TPRA1: variants seen among roughly 807,000 people sequenced by gnomAD.
The protein encoded by TPRA1 is transmembrane protein adipocyte associated 1, also known as transmembrane protein adipocyte-associated 1.
Under a neutral mutation model 40.1 loss-of-function variants are expected in TPRA1, and 28 were observed. The ratio of observed to expected loss-of-function variants is 0.70; its 90% CI spans 0.52 to 0.96. TPRA1 has a LOEUF of 0.96. Ranked by LOEUF, TPRA1 falls within the 40% of genes least tolerant of loss-of-function variation. TPRA1 has a pLI of 0.00. For synonymous variants in TPRA1, 219 were observed against 209.7 expected (o/e 1.04, Z -0.38); for missense variants, 441 against 482.6 (o/e 0.91, Z 0.81).
intron 1 of TPRA1, among the ~76,000 whole-genome samples, chr3:127,584,552 T>TAGAGAC (rs1047445041): frequency 2.8e-5 from 4 of 143,354 alleles, no homozygotes; most frequent in Non-Finnish European, 6.0e-5. Flanking sequence ...AGAAACACAG[T>TAGAGAC]AGAGACTGCT....
In TPRA1 at chr3:127,580,071, C is replaced by G. The variant is rs752718568; in HGVS notation, c.76G>C (p.Val26Leu). The G allele has an allele frequency of 1.2e-6, 2 of 1,613,962 alleles. No homozygotes were observed. Among genetic ancestry groups the G allele is most frequent in the Non-Finnish European group, 1.7e-6 (2 of 1,180,032 alleles). ...LPPPLAPNIS[V>L]PHRCLLLLYE... The stretch of plus-strand genomic sequence containing the variant: ...AGCAGCAGCAGGCAGCGATGAGGCA[C>G]ACTGATGTTTGGTGCCAGGGGTGGG... The change falls in exon 2 of 11, where the codon GTG becomes CTG. Residue 26 changes from valine to leucine, a missense_variant. Transcript: ENST00000355552.
Position 127,575,731 on chromosome 3 carries a change from C to A in TPRA1, c.670+18G>T. The A allele has an allele frequency of 6.2e-7, 1 of 1,612,958 alleles. No homozygotes were observed. Reference sequence around the variant, plus strand: ...CTCCCATCCCCGCCTGTCCCAGAGCCGCCGGCCAGCTGCTCACAAGGCAGG... The same window carrying A: ...CTCCCATCCCCGCCTGTCCCAGAGCAGCCGGCCAGCTGCTCACAAGGCAGG... On this transcript the variant is annotated intron_variant, in intron 8 of 10. Transcript: ENST00000355552.
chr3:127,573,651 G>C lies in TPRA1; in HGVS notation c.992C>G (p.Ala331Gly). Reference sequence around the variant, plus strand: ...GTCGAACTGCGTGCTCGAGTAGCTGGCAGCTGAGGCCCCAGCAGCCCCTGC... The same window carrying C: ...GTCGAACTGCGTGCTCGAGTAGCTGCCAGCTGAGGCCCCAGCAGCCCCTGC... The part of the protein sequence containing the change: ...EAAGAAGASA[A>G]SYSSTQFDSA... Residue 331 changes from alanine (A) to glycine (G), a missense_variant, in exon 11 of 11, where the codon GCC (alanine) becomes GGC (glycine). By Grantham distance (60) the Ala-to-Gly change is moderately conservative. Coordinates refer to ENST00000355552, the MANE Select transcript of TPRA1 (RefSeq NM_001136053.4). 1 of 1,613,442 alleles carries C rather than the reference G, an allele frequency of 6.2e-7. No homozygotes were observed. The highest frequency in any genetic ancestry group is 8.5e-7 in the Non-Finnish European group (1 of 1,179,994).
upstream of TPRA1, among the ~76,000 whole-genome samples, chr3:127,592,524 T>G (rs371415994): frequency 6.6e-6 from 1 of 151,438 alleles, no homozygotes; most frequent in Non-Finnish European, 1.5e-5. Context: ...TAGCTGGGAC[T>G]ACAGGCGCCC....
chr3:127,575,934 C>G lies in TPRA1; in HGVS notation c.609+6G>C. The G allele has an allele frequency of 1.2e-6, 2 of 1,613,932 alleles. No individual in the cohort carries two copies. The highest frequency in any genetic ancestry group is 1.7e-6 in the Non-Finnish European group (2 of 1,179,948). ...GCCACCCCAGCTGCCCCAGCCTGAA[C>G]CTCACCAGGAAGAAGAAGCAGGAGC... On this transcript the variant is annotated splice_donor_region_variant and intron_variant, in intron 7 of 10. Coordinates refer to ENST00000355552, the MANE Select transcript of TPRA1 (RefSeq NM_001136053.4).
Position 127,579,746 on chromosome 3 carries a change from G to A in TPRA1, c.252C>T (p.Tyr84=), listed in dbSNP as rs781728674. 8 of 1,614,032 alleles carry A rather than the reference G, an allele frequency of 5.0e-6. No individual in the cohort carries two copies. In the Admixed American group the frequency reaches 1.0e-4, roughly 20 times the overall value. ...ITSSPIFITF[Y]ILVFVVALVG... ...TCAACTGCAGTGAACTCACCAGGATGTAGAAGGTGATAAAAATGGGGCTGG... is the reference window on the plus strand; with the variant it reads ...TCAACTGCAGTGAACTCACCAGGATATAGAAGGTGATAAAAATGGGGCTGG... Residue 84 remains tyrosine (Y), a synonymous_variant, in exon 3 of 11, where the codon TAC becomes TAT. Transcript: ENST00000355552.
intron 1 of TPRA1, among the ~76,000 whole-genome samples, chr3:127,580,712 A>G (rs1409467192): frequency 2.0e-5 from 3 of 152,264 alleles, no homozygotes; most frequent in African/African-American, 4.8e-5. Flanking sequence ...GTGAGGCCAC[A>G]GCGCTGCTGA....
chr3:127,586,637 G>A (rs2074010384), intron 1 of TPRA1, among the ~76,000 whole-genome samples: 1 of 152,182 alleles, frequency 6.6e-6, no homozygotes. Flanking sequence ...GAGATTACAG[G>A]TGTGGGCCAC....
chr3:127,586,059 T>TG (rs1464570840), intron 1 of TPRA1, among the ~76,000 whole-genome samples: 2 of 152,064 alleles, frequency 1.3e-5, no homozygotes, highest in East Asian at 3.9e-4. Flanking sequence ...TCAAGAAGGG[T>TG]GGCCCTTCTG....
intron 9 of TPRA1, 37 bp downstream of exon 9, chr3:127,575,366 G>A: frequency 6.4e-7 from 1 of 1,570,590 alleles, no homozygotes; most frequent in Non-Finnish European, 8.6e-7. Flanking sequence ...CACTTCCCAT[G>A]CCCCCACGAG....
At chr3:127,580,205 C>T (rs976603317) in intron 1 of TPRA1, 42 bp from the exon 2 acceptor site, 1 of 1,581,768 alleles carries the variant, frequency 6.3e-7, no homozygotes, top group Non-Finnish European at 8.6e-7. Context: ...GTGGCCTGGG[C>T]CACTGTCCTC....
upstream of TPRA1, among the ~76,000 whole-genome samples, chr3:127,595,151 G>A (rs927979758): frequency 3.9e-5 from 6 of 152,230 alleles, no homozygotes; most frequent in Non-Finnish European, 5.9e-5. Context: ...CTGTTGGGAG[G>A]AGATCACACA....
chr3:127,578,175 C>T (rs1478523720), intron 3 of TPRA1, among the ~76,000 whole-genome samples: 1 of 152,224 alleles, frequency 6.6e-6, no homozygotes, highest in Non-Finnish European at 1.5e-5. Context: ...TATACTCTGT[C>T]TTTTGTGCCA....
At chr3:127,579,706 G>C (rs968938537) in intron 3 of TPRA1, 34 bp downstream of exon 3, 1 of 1,610,202 alleles carries the variant, frequency 6.2e-7, no homozygotes, top group African/African-American at 1.3e-5. Context: ...AACCCAGTTG[G>C]AGTTGGCTTT....
At chr3:127,591,021 C>T (rs1459685801), upstream of TPRA1, 2 of 152,378 alleles carry the variant, frequency 1.3e-5, no homozygotes, top group African/African-American at 2.4e-5. Flanking sequence ...GCCCTACGCG[C>T]CTTCCAGCTG....
chr3:127,581,114 A>G lies in TPRA1; in HGVS notation c.-17-951T>C, dbSNP rs573301419. Among the ~76,000 whole-genome samples, 4 of 152,330 alleles carry G rather than the reference A, an allele frequency of 2.6e-5. No individual in the cohort carries two copies. The East Asian group carries it at 7.7e-4, about 29-fold the overall frequency. On this transcript the variant is annotated intron_variant, in intron 1 of 10. Coordinates refer to ENST00000355552, the MANE Select transcript of TPRA1 (RefSeq NM_001136053.4). ...GCTAGAGGACTCTCAGGAGGCAGCA[A>G]CAGGTACTTCCGCAGGGAGTTCGGG...
intron 8 of TPRA1, 109 bp downstream of exon 8, chr3:127,575,640 C>A: frequency 6.6e-7 from 1 of 1,512,270 alleles, no homozygotes; most frequent in Non-Finnish European, 9.1e-7. Context: ...GGCTCTCCAG[C>A]TCCCAGCCTG....
chr3:127,575,568 C>A, intron 8 of TPRA1, 63 bp from the exon 9 acceptor site: 1 of 1,471,066 alleles, frequency 6.8e-7, no homozygotes, highest in South Asian at 1.3e-5. Context: ...CTGCCTCCAG[C>A]ACCTACTACC....
rs755866804 is a variant in TPRA1 at position 127,580,170 on chromosome 3, G to A, written c.-17-7C>T. The A allele has an allele frequency of 4.7e-5, 76 of 1,608,212 alleles. No homozygotes were observed. Among genetic ancestry groups the A allele is most frequent in the Non-Finnish European group, 5.9e-5 (70 of 1,179,262 alleles). ...ATCCCGCCAGCAGCCAGCCCTGGGG[G>A]AGTGAGAGCCGCCCAGTGAGCTGTG... On this transcript the variant is annotated splice_region_variant and splice_polypyrimidine_tract_variant and intron_variant, in intron 1 of 10. Transcript: ENST00000355552.
Sources: allele counts gnomAD v4.1 joint callset (sites outside exome capture counted in the v4.1 genomes callset), GRCh38; gene constraint gnomAD v4.1.1; transcripts MANE v1.5; gene names NCBI Gene and HGNC (gene_info 2026-07-23, HGNC 2026-07-21).